AGBL4: variants seen among roughly 807,000 people sequenced by gnomAD.
The protein encoded by AGBL4 is AGBL carboxypeptidase 4.
Under a neutral mutation model 66.4 loss-of-function variants are expected in AGBL4, and 58 were observed. The ratio of observed to expected loss-of-function variants is 0.87; its 90% CI spans 0.71 to 1.09. The LOEUF (loss-of-function observed/expected upper bound fraction) is 1.09, where lower values mean the gene tolerates loss of function less well. AGBL4 is among the 50% of genes least tolerant of loss of function. AGBL4 has a pLI of 0.00. For synonymous variants in AGBL4, 234 were observed against 222.9 expected, an observed-to-expected ratio of 1.05 and a Z score of -0.44; for missense variants, 579 against 631.0, an observed-to-expected ratio of 0.92 and a Z score of 0.88.
At chr1:48,706,905 A>G (rs548141363) in intron 6 of AGBL4, among the ~76,000 whole-genome samples, 2 of 152,350 alleles carry the variant, frequency 1.3e-5, no homozygotes, top group African/African-American at 4.8e-5. Context: ...ACTTTGAGCC[A>G]TCTGGTCATG....
At chr1:49,768,102 A>C (rs1643944635) in intron 2 of AGBL4, among the ~76,000 whole-genome samples, 1 of 152,178 alleles carries the variant, frequency 6.6e-6, no homozygotes, top group Admixed American at 6.5e-5. Flanking sequence ...TGTCCAAAGA[A>C]GAGCTGGTAC....
intron 5 of AGBL4, among the ~76,000 whole-genome samples, chr1:49,021,570 G>A (rs868111013): frequency 2.0e-5 from 3 of 152,302 alleles, no homozygotes; most frequent in Middle Eastern, 3.4e-3. Flanking sequence ...CTGGAAGACA[G>A]CTCTTAAAAG....
chr1:48,750,530 C>T (rs1651531563), intron 6 of AGBL4, among the ~76,000 whole-genome samples: 1 of 152,190 alleles, frequency 6.6e-6, no homozygotes, highest in South Asian at 2.1e-4. Flanking sequence ...ATCCTGAGAG[C>T]TCGGGACCAA....
chr1:49,389,570 A>T (rs1644805090), intron 3 of AGBL4, among the ~76,000 whole-genome samples: 1 of 152,080 alleles, frequency 6.6e-6, no homozygotes, highest in African/African-American at 2.4e-5. Context: ...GCCCCTTCTC[A>T]TGCCTGAACT....
intron 3 of AGBL4, among the ~76,000 whole-genome samples, chr1:49,346,453 G>A (rs2148512828): frequency 6.6e-6 from 1 of 152,260 alleles, no homozygotes; most frequent in South Asian, 2.1e-4. Context: ...TTCATGAAAA[G>A]CCTTCTTATT....
chr1:49,629,871 G>A (rs1196461794), intron 3 of AGBL4, among the ~76,000 whole-genome samples: 1 of 152,128 alleles, frequency 6.6e-6, no homozygotes, highest in East Asian at 1.9e-4. Context: ...ACTGAGAAAA[G>A]ATAGTGACTT....
chr1:49,677,303 T>A (rs1293754602), intron 3 of AGBL4, among the ~76,000 whole-genome samples: 1 of 152,138 alleles, frequency 6.6e-6, no homozygotes, highest in Non-Finnish European at 1.5e-5. Context: ...AAATTTATTA[T>A]GAATAGGTGT....
chr1:48,982,845 A>T (rs1163763741), intron 5 of AGBL4, among the ~76,000 whole-genome samples: 1 of 152,094 alleles, frequency 6.6e-6, no homozygotes, highest in Non-Finnish European at 1.5e-5. Context: ...CTATTTCTCC[A>T]TATCCTCTCC....
intron 6 of AGBL4, among the ~76,000 whole-genome samples, chr1:48,688,031 T>C (rs776001340): frequency 1.3e-5 from 2 of 152,204 alleles, no homozygotes; most frequent in African/African-American, 2.4e-5. Flanking sequence ...TTTAGAAAGA[T>C]GTAACTGTCA....
intron 4 of AGBL4, among the ~76,000 whole-genome samples, chr1:49,054,644 T>C (rs369241026): frequency 5.9e-5 from 9 of 151,976 alleles, no homozygotes; most frequent in African/African-American, 2.2e-4. Context: ...GTTGTCAAAA[T>C]GTACCCAAAC....
rs551131701 is a variant in AGBL4 at position 49,890,702 on chromosome 1, C to A, written c.35-39184G>T. 8.5e-4 allele frequency among the ~76,000 whole-genome samples: 129 copies of A among 152,246 alleles called. 2 individuals carry two copies. The Middle Eastern group carries it at 0.017, about 20-fold the overall frequency. ...TAACTGTAGGAAAAAGAGATTATTT[C>A]ATTTCCAGACCTTCTTTCAAACATA... On this transcript the variant is annotated intron_variant, in intron 1 of 13. Coordinates refer to ENST00000371839, the MANE Select transcript of AGBL4 (RefSeq NM_032785.4).
intron 11 of AGBL4, among the ~76,000 whole-genome samples, chr1:48,570,853 C>G (rs564578985): frequency 6.6e-5 from 10 of 152,134 alleles, no homozygotes; most frequent in African/African-American, 2.4e-4. Flanking sequence ...TACAGTCACA[C>G]TTTCTTATGA....
At chr1:49,044,637 A>G (rs1274593461) in intron 5 of AGBL4, among the ~76,000 whole-genome samples, 1 of 152,200 alleles carries the variant, frequency 6.6e-6, no homozygotes, top group Non-Finnish European at 1.5e-5. Flanking sequence ...TGATTAAGAT[A>G]AAGATCTTGC....
the AGBL4 span, among the ~76,000 whole-genome samples, chr1:48,527,479 C>T: frequency 6.5e-3 from 989 of 151,896 alleles, 3 homozygotes; most frequent in Non-Finnish European, 1.0e-2. Flanking sequence ...CGCCTGTAGT[C>T]CCAGCTACTC....
intron 1 of AGBL4, among the ~76,000 whole-genome samples, chr1:49,963,542 T>C (rs1198783849): frequency 2.0e-5 from 3 of 152,102 alleles, no homozygotes; most frequent in African/African-American, 7.2e-5. Flanking sequence ...GGTTTCAGAG[T>C]AATAAAATAT....
At chr1:49,236,554 A>C (rs1650760362) in intron 4 of AGBL4, among the ~76,000 whole-genome samples, 1 of 152,100 alleles carries the variant, frequency 6.6e-6, no homozygotes, top group South Asian at 2.1e-4. Context: ...GTTTGGAGAT[A>C]ATTCAAAATT....
intron 1 of AGBL4, among the ~76,000 whole-genome samples, chr1:49,890,787 T>C (rs545803668): frequency 2.6e-5 from 4 of 152,312 alleles, no homozygotes; most frequent in African/African-American, 9.6e-5. Flanking sequence ...TCTTAGCAGA[T>C]GGAGGAGGCA....
intron 8 of AGBL4, chr1:48,647,459 T>C (rs1038466683): frequency 1.1e-5 from 3 of 267,676 alleles, no homozygotes; most frequent in African/African-American, 6.7e-5. Flanking sequence ...CAAAAAGTAA[T>C]TGTCATTAAA....
At chr1:49,847,833 C>G (rs1362168947) in intron 2 of AGBL4, among the ~76,000 whole-genome samples, 1 of 151,996 alleles carries the variant, frequency 6.6e-6, no homozygotes, top group Non-Finnish European at 1.5e-5. Context: ...TCCCGAGTAG[C>G]TGGGACTATA....
Sources: allele counts gnomAD v4.1 joint callset (sites outside exome capture counted in the v4.1 genomes callset), GRCh38; gene constraint gnomAD v4.1.1; transcripts MANE v1.5; gene names NCBI Gene and HGNC (gene_info 2026-07-23, HGNC 2026-07-21).